The following ZNF93 variants were observed in gnomAD, a reference collection of about 807,000 sequenced individuals.
ZNF93 encodes the protein zinc finger protein 505.
ZNF93 carries 29 observed loss-of-function variants against 45.0 expected under a neutral mutation model. The ratio of observed to expected loss-of-function variants is 0.64; its 90% confidence interval spans 0.48 to 0.88. The LOEUF is 0.88. Ranked by LOEUF, ZNF93 falls within the 40% of genes least tolerant of loss-of-function variation. ZNF93 has a pLI of 0.00. For synonymous variants in ZNF93, 223 were observed against 244.6 expected, an observed-to-expected ratio of 0.91 and a Z score of 0.82; for missense variants, 578 against 724.0, an observed-to-expected ratio of 0.80 and a Z score of 2.31.
At chr19:19,908,424 A>C (rs1232352254) in intron 1 of ZNF93, 2 of 152,182 alleles carry the variant, frequency 1.3e-5, no homozygotes, top group African/African-American at 4.8e-5. Flanking sequence ...TCTCATACTG[A>C]GAGTAGCTGT....
chr19:19,929,925 G>A (rs1403685903), intron 3 of ZNF93, among the ~76,000 whole-genome samples: 19 of 108,484 alleles, frequency 1.8e-4, no homozygotes, highest in African/African-American at 6.6e-4. Context: ...GCAACAGAGC[G>A]AGACTCCGTC....
chr19:19,903,260 AG>A (rs1415685150), intron 1 of ZNF93, among the ~76,000 whole-genome samples: 1 of 152,108 alleles, frequency 6.6e-6, no homozygotes, highest in East Asian at 1.9e-4. Context: ...AGGAGGTGGG[AG>A]GGGAATGGCA....
At chr19:19,931,697 AGTT>A (rs1228012373) in intron 3 of ZNF93, among the ~76,000 whole-genome samples, 5 of 152,146 alleles carry the variant, frequency 3.3e-5, no homozygotes, top group African/African-American at 1.2e-4. Flanking sequence ...AAAGAAATGA[AGTT>A]GTTATTACCA....
Position 19,901,163 on chromosome 19 carries a change from G to T in ZNF93, c.3+72G>T, listed in dbSNP as rs192043190. On this transcript the variant is annotated intron_variant, in intron 1 of 3. Coordinates refer to ENST00000343769, the MANE Select transcript of ZNF93 (RefSeq NM_031218.4). ...GGAACCGGTGGAAAGTGACGGTGGC[G>T]GGACTCAGGTATCCCCTTAGTCAGC... The T allele has an allele frequency of 2.7e-5, 43 of 1,605,556 alleles. No homozygotes were observed. The Middle Eastern group carries it at 9.9e-4, about 37-fold the overall frequency.
At chr19:19,913,629 G>A (rs945579518) in intron 1 of ZNF93, among the ~76,000 whole-genome samples, 1 of 152,044 alleles carries the variant, frequency 6.6e-6, no homozygotes, top group Admixed American at 6.5e-5. Flanking sequence ...TTATCTTCAT[G>A]GAGCAGTTCA....
intron 1 of ZNF93, among the ~76,000 whole-genome samples, chr19:19,911,668 G>C (rs2063308683): frequency 6.6e-6 from 1 of 152,052 alleles, no homozygotes; most frequent in Non-Finnish European, 1.5e-5. Context: ...AAAAATCTTG[G>C]GCTTTAGACC....
intron 3 of ZNF93, among the ~76,000 whole-genome samples, chr19:19,919,224 T>A (rs536286945): frequency 3.9e-5 from 6 of 152,286 alleles, no homozygotes; most frequent in African/African-American, 1.2e-4. Context: ...TTTCCCCATT[T>A]CTTGTTTTTG....
chr19:19,926,274 T>C (rs2063355929), intron 3 of ZNF93: 1 of 151,216 alleles, frequency 6.6e-6, no homozygotes, highest in Non-Finnish European at 1.5e-5. Context: ...AGACGGGGCT[T>C]CACTACATTG....
At chr19:19,919,313 T>C (rs952249743) in intron 3 of ZNF93, among the ~76,000 whole-genome samples, 1 of 152,144 alleles carries the variant, frequency 6.6e-6, no homozygotes, top group Non-Finnish European at 1.5e-5. Context: ...TTGGTCTATA[T>C]CTCTGTTTTG....
At chr19:19,923,238 G>C (rs1415025707) in intron 3 of ZNF93, among the ~76,000 whole-genome samples, 4 of 152,148 alleles carry the variant, frequency 2.6e-5, no homozygotes, top group African/African-American at 9.7e-5. Flanking sequence ...AGCGGAGGCT[G>C]CAGAACAGCG....
chr19:19,910,893 A>C (rs1402116941), intron 1 of ZNF93, among the ~76,000 whole-genome samples: 4 of 152,198 alleles, frequency 2.6e-5, no homozygotes, highest in African/African-American at 9.7e-5. Context: ...TTGTGAATGT[A>C]AACATAGACA....
At chr19:19,911,261 C>T (rs571018018) in intron 1 of ZNF93, among the ~76,000 whole-genome samples, 29 of 152,298 alleles carry the variant, frequency 1.9e-4, no homozygotes, top group South Asian at 1.9e-3. Flanking sequence ...GGCCATGAGG[C>T]CTGGGTCACT....
At chr19:19,913,339 A>G (rs971445053) in intron 1 of ZNF93, among the ~76,000 whole-genome samples, 2 of 152,202 alleles carry the variant, frequency 1.3e-5, no homozygotes, top group Admixed American at 1.3e-4. Flanking sequence ...TACCCTCCCC[A>G]CAGCTTCTGT....
At chr19:19,908,202 C>T (rs2063298108) in intron 1 of ZNF93, 1 of 152,172 alleles carries the variant, frequency 6.6e-6, no homozygotes, top group South Asian at 2.1e-4. Context: ...AATAGCTCTT[C>T]AGTTAACTAT....
At chr19:19,902,127 T>C (rs577644126) in intron 1 of ZNF93, among the ~76,000 whole-genome samples, 1 of 152,256 alleles carries the variant, frequency 6.6e-6, no homozygotes, top group South Asian at 2.1e-4. Context: ...TTCCCTTATG[T>C]AAATACTGTG....
intron 1 of ZNF93, 137 bp downstream of exon 1, chr19:19,901,228 G>C: frequency 7.0e-7 from 1 of 1,432,974 alleles, no homozygotes; most frequent in Admixed American, 1.7e-5. Context: ...GCTCGGCCTC[G>C]GTTCCCTTCA....
In ZNF93 at chr19:19,934,467, T is replaced by C. The variant is rs1172936628; in HGVS notation, c.1512T>C (p.Thr504=). ...TTACTAAACATAAGAAAATTCATAC[T>C]GGAGAGAAACCCTACAAATGTGAAG... ...SSLTKHKKIH[T]GEKPYKCEEC... is the part of the protein sequence containing the mutation. Residue 504 remains threonine, a synonymous_variant, in exon 4 of 4, where the codon ACT becomes ACC. Coordinates refer to ENST00000343769, the MANE Select transcript of ZNF93 (RefSeq NM_031218.4). The C allele has an allele frequency of 1.2e-6, 2 of 1,613,202 alleles. No homozygotes were observed. The highest frequency in any genetic ancestry group is 1.7e-6 in the Non-Finnish European group (2 of 1,179,972).
intron 3 of ZNF93, 113 bp downstream of exon 3, chr19:19,916,768 T>C (rs1355816871): frequency 4.1e-6 from 3 of 730,502 alleles, no homozygotes; most frequent in Non-Finnish European, 6.5e-6. Context: ...AAGGAAATAG[T>C]TCCTGGGCAG....
intron 1 of ZNF93, among the ~76,000 whole-genome samples, chr19:19,901,742 G>A (rs2122156016): frequency 6.6e-6 from 1 of 152,164 alleles, no homozygotes; most frequent in Non-Finnish European, 1.5e-5. Context: ...TAGATTGTGC[G>A]GTGGGACCTC....
Sources: allele counts gnomAD v4.1 joint callset (sites outside exome capture counted in the v4.1 genomes callset), GRCh38; gene constraint gnomAD v4.1.1; transcripts MANE v1.5; gene names NCBI Gene and HGNC (gene_info 2026-07-23, HGNC 2026-07-21).